Variants in SOX6 observed in about 807,000 individuals in gnomAD.
SOX6 encodes SRY-box transcription factor 6.
A neutral mutation model predicts 97.8 loss-of-function variants in SOX6; 11 were observed. That is an observed-to-expected ratio of 0.11 (90% CI 0.07 to 0.19). The LOEUF is 0.19. Among genes scored for constraint, SOX6 ranks in the 10% least tolerant of loss-of-function variants. The pLI, the probability that SOX6 is intolerant of heterozygous loss-of-function variation, is 1.00. For synonymous variants in SOX6, 360 were observed against 371.4 expected (o/e 0.97, Z 0.35); for missense variants, 810 against 1,039.5 (o/e 0.78, Z 3.04).
intron 3 of SOX6, among the ~76,000 whole-genome samples, chr11:16,681,581 C>T (rs555581446): frequency 6.6e-6 from 1 of 152,120 alleles, no homozygotes; most frequent in African/African-American, 2.4e-5. Context: ...AATTCAAAAG[C>T]TAGCAGAAGG....
intron 12 of SOX6, among the ~76,000 whole-genome samples, chr11:16,026,937 A>T (rs1460338687): frequency 6.6e-6 from 1 of 152,194 alleles, no homozygotes; most frequent in Non-Finnish European, 1.5e-5. Flanking sequence ...CCATTACAAA[A>T]GACAAAAGAT....
At chr11:16,550,280 C>T (rs1406529000) in intron 4 of SOX6, among the ~76,000 whole-genome samples, 1 of 151,970 alleles carries the variant, frequency 6.6e-6, no homozygotes, top group Non-Finnish European at 1.5e-5. Flanking sequence ...AACACTTGCA[C>T]ACAGGGTGGG....
chr11:16,049,751 T>A lies in SOX6; in HGVS notation c.1435+4A>T, dbSNP rs989882300. 1 of 1,613,268 alleles carries A rather than the reference T, an allele frequency of 6.2e-7. No homozygotes were observed. Among genetic ancestry groups the A allele is most frequent in the Non-Finnish European group, 8.5e-7 (1 of 1,179,780 alleles). ...CTCTTCCTGGTGTTGACTTTTCCATTTACCTAAAGAGGATCCTCTTCCCAG... is the reference window on the plus strand; with the variant it reads ...CTCTTCCTGGTGTTGACTTTTCCATATACCTAAAGAGGATCCTCTTCCCAG... On this transcript the variant is annotated splice_donor_region_variant and intron_variant, in intron 11 of 15. Coordinates refer to ENST00000683767, the MANE Select transcript of SOX6 (RefSeq NM_001367873.1).
At chr11:16,260,556 T>C (rs1031493806) in intron 3 of SOX6, among the ~76,000 whole-genome samples, 1 of 152,130 alleles carries the variant, frequency 6.6e-6, no homozygotes, top group Admixed American at 6.5e-5. Flanking sequence ...GGAACAAAAC[T>C]GAAATTATAA....
intron 4 of SOX6, among the ~76,000 whole-genome samples, chr11:16,541,993 T>C: frequency 6.6e-6 from 1 of 152,214 alleles, no homozygotes; most frequent in Non-Finnish European, 1.5e-5. Context: ...TAAATCATGC[T>C]ACTATTAAGA....
At chr11:16,283,164 G>A (rs1238367305) in intron 3 of SOX6, among the ~76,000 whole-genome samples, 1 of 133,222 alleles carries the variant, frequency 7.5e-6, no homozygotes, top group Admixed American at 7.7e-5. Context: ...CATTTATTTT[G>A]GTGCCACCCA....
chr11:16,461,421 A>G (rs1183982463), intron 1 of SOX6, among the ~76,000 whole-genome samples: 1 of 152,130 alleles, frequency 6.6e-6, no homozygotes, highest in East Asian at 1.9e-4. Flanking sequence ...ATGGTCCCCT[A>G]TGATCTACCG....
At chr11:16,401,425 G>A (rs1023659402) in intron 1 of SOX6, among the ~76,000 whole-genome samples, 7 of 151,522 alleles carry the variant, frequency 4.6e-5, no homozygotes, top group African/African-American at 1.5e-4. Flanking sequence ...ACTACCAGGT[G>A]TTAGCTTTAT....
At position 16,341,149 on chromosome 11, in the gene SOX6, C is replaced by A. The variant is rs1300904218; in HGVS notation, c.100G>T (p.Asp34Tyr). The A allele has an allele frequency of 4.3e-6, 7 of 1,613,376 alleles. No homozygotes were observed. In the Admixed American group the frequency reaches 1.0e-4, roughly 23 times the overall value. Residue 34 changes from aspartate to tyrosine, a missense_variant, in exon 2 of 16, where the codon GAT (aspartate) becomes TAT (tyrosine). This residue lies in a region of SOX6 where 100 missense variants were observed against 94.6 expected (regional missense o/e 1.06). Coordinates refer to ENST00000683767, the MANE Select transcript of SOX6 (RefSeq NM_001367873.1). ...GGCAGATGGGAGGCCACATGTTGAT[C>A]ACTGCCCTCTTCCTTTTCCCTTGAG... Reference protein sequence around the residue: ...LTSREKEEGSDQHVASHLPLH... With the variant: ...LTSREKEEGSYQHVASHLPLH...
rs540814088 is a variant in SOX6, at chr11:15,967,123, T to C, written c.*5686A>G. ...GCAATAGACACTAGTTTTTATGTTT[T>C]TTTCTTTTTTTCTAATTGCCCAAAT... On this transcript the variant is annotated 3_prime_UTR_variant, in exon 16 of 16. Coordinates refer to ENST00000683767, the MANE Select transcript of SOX6 (RefSeq NM_001367873.1). The C allele has an allele frequency of 6.6e-6, 1 of 152,216 alleles. No individual in the cohort carries two copies. Among genetic ancestry groups the C allele is most frequent in the Non-Finnish European group, 1.5e-5 (1 of 68,038 alleles). 9.4% of individuals were successfully genotyped at this position (152,216 alleles called of 1,614,324 possible).
chr11:15,984,160 TAGTC>T (rs1853754433), intron 15 of SOX6, among the ~76,000 whole-genome samples: 1 of 152,192 alleles, frequency 6.6e-6, no homozygotes, highest in Non-Finnish European at 1.5e-5. Flanking sequence ...ATACACTAGA[TAGTC>T]AATAAATAAT....
At chr11:16,701,929 T>G (rs1041456386) in intron 3 of SOX6, among the ~76,000 whole-genome samples, 4 of 152,108 alleles carry the variant, frequency 2.6e-5, no homozygotes, top group Non-Finnish European at 4.4e-5. Flanking sequence ...ATAGATATTT[T>G]CCATACTATA....
At chr11:16,732,775 G>A (rs564260287) in intron 2 of SOX6, among the ~76,000 whole-genome samples, 1 of 152,118 alleles carries the variant, frequency 6.6e-6, no homozygotes, top group Admixed American at 6.6e-5. Context: ...CACAGCAAAA[G>A]AAACTATCAT....
chr11:16,046,413 A>C (rs1855832184), intron 12 of SOX6, 101 bp downstream of exon 12: 1 of 1,334,956 alleles, frequency 7.5e-7, no homozygotes, highest in Non-Finnish European at 1.1e-6. Context: ...CTGGAAGCCC[A>C]AATCTATGGC....
intron 4 of SOX6, among the ~76,000 whole-genome samples, chr11:16,529,781 C>T (rs1386082515): frequency 2.6e-5 from 4 of 151,890 alleles, no homozygotes; most frequent in African/African-American, 9.7e-5. Flanking sequence ...TAGTTGGTGG[C>T]ACTCAGACCC....
At chr11:16,220,086 A>C (rs1332358821) in intron 4 of SOX6, among the ~76,000 whole-genome samples, 2 of 152,106 alleles carry the variant, frequency 1.3e-5, no homozygotes, top group African/African-American at 4.8e-5. Flanking sequence ...TGTGTTCACT[A>C]ATTCACATTA....
At chr11:16,228,268 T>C (rs908608194) in intron 4 of SOX6, among the ~76,000 whole-genome samples, 12 of 151,968 alleles carry the variant, frequency 7.9e-5, no homozygotes, top group Admixed American at 2.6e-4. Context: ...AAAGTAAAAG[T>C]GTAAACATTT....
chr11:16,261,406 G>A (rs1437068007), intron 3 of SOX6, among the ~76,000 whole-genome samples: 1 of 151,828 alleles, frequency 6.6e-6, no homozygotes, highest in Non-Finnish European at 1.5e-5. Flanking sequence ...ATTTTTTTCT[G>A]CCATAGACTT....
At chr11:15,976,565 G>A (rs900519409) in intron 15 of SOX6, among the ~76,000 whole-genome samples, 6 of 151,806 alleles carry the variant, frequency 4.0e-5, no homozygotes, top group African/African-American at 1.5e-4. Flanking sequence ...GTAATGCTTT[G>A]GACTCTCCGT....
Sources: allele counts gnomAD v4.1 joint callset (sites outside exome capture counted in the v4.1 genomes callset), GRCh38; gene constraint gnomAD v4.1.1; regional missense constraint gnomAD v4.1.1; transcripts MANE v1.5; gene names NCBI Gene and HGNC (gene_info 2026-07-23, HGNC 2026-07-21).